Variants in SLC16A12 observed in about 807,000 individuals in gnomAD.
SLC16A12 encodes the protein solute carrier family 16 member 12.
Under a neutral mutation model 42.4 loss-of-function variants are expected in SLC16A12, and 17 were observed. That is an observed-to-expected ratio of 0.40 (90% confidence interval 0.27 to 0.60). The LOEUF is 0.60. Among genes scored for constraint, SLC16A12 ranks in the 20% least tolerant of loss-of-function variants. SLC16A12 has a pLI of 0.42. For missense variants in SLC16A12, 544 were observed against 623.0 expected, an observed-to-expected ratio of 0.87 and a Z score of 1.35; for synonymous variants, 224 against 229.4, an observed-to-expected ratio of 0.98 and a Z score of 0.21.
chr10:89,499,712 C>G (rs942992336), intron 2 of SLC16A12, among the ~76,000 whole-genome samples: 1 of 151,946 alleles, frequency 6.6e-6, no homozygotes, highest in South Asian at 2.1e-4. Flanking sequence ...AGAGCACAAA[C>G]AGACAATCTA....
chr10:89,554,570 G>A (rs575219796), intron 2 of SLC16A12, among the ~76,000 whole-genome samples: 71 of 152,288 alleles, frequency 4.7e-4, no homozygotes, highest in South Asian at 1.2e-3. Flanking sequence ...GGGAGATGGA[G>A]GACAAAGTGT....
At chr10:89,524,895 C>T (rs1273443109) in intron 2 of SLC16A12, among the ~76,000 whole-genome samples, 1 of 152,160 alleles carries the variant, frequency 6.6e-6, no homozygotes, top group Non-Finnish European at 1.5e-5. Context: ...TCAAATGTCC[C>T]TTCTACAGAT....
intron 2 of SLC16A12, among the ~76,000 whole-genome samples, chr10:89,489,401 G>A (rs994288601): frequency 3.3e-5 from 5 of 151,902 alleles, no homozygotes; most frequent in Non-Finnish European, 5.9e-5. Flanking sequence ...GTGCAATGGC[G>A]AGATCTAGGC....
At chr10:89,538,095 G>T (rs970029305), upstream of SLC16A12, among the ~76,000 whole-genome samples, 1 of 152,262 alleles carries the variant, frequency 6.6e-6, no homozygotes, top group African/African-American at 2.4e-5. Context: ...CAGCATGGAA[G>T]TGGAGAAAGG....
chr10:89,441,168 T>C lies in SLC16A12; in HGVS notation c.388A>G (p.Ile130Val), dbSNP rs767338624. The C allele has an allele frequency of 6.2e-7, 1 of 1,613,916 alleles. No homozygotes were observed. The highest frequency in any genetic ancestry group is 1.1e-5 in the South Asian group (1 of 91,072). The stretch of plus-strand genomic sequence containing the variant: ...AGACTCGTGGCAAATGAGCTCAGGA[T>C]GAGTCCAGTAGATGCAAGCAAGCCA... ...LGGLLASTGL[I>V]LSSFATSLKH... Residue 130 changes from isoleucine to valine, a missense_variant, in exon 5 of 8, where the codon ATC (isoleucine) becomes GTC (valine). Ile to Val is a conservative substitution (Grantham distance 29). Coordinates refer to ENST00000371790, the MANE Select transcript of SLC16A12 (RefSeq NM_213606.4).
chr10:89,547,127 C>T (rs1021163693), intron 2 of SLC16A12, among the ~76,000 whole-genome samples: 2 of 152,036 alleles, frequency 1.3e-5, no homozygotes, highest in Admixed American at 6.6e-5. Flanking sequence ...CAAACCTGTA[C>T]GTTCTGCACA....
At chr10:89,506,163 C>T (rs919043251) in intron 2 of SLC16A12, among the ~76,000 whole-genome samples, 1 of 152,314 alleles carries the variant, frequency 6.6e-6, no homozygotes, top group Non-Finnish European at 1.5e-5. Flanking sequence ...CAGACTTAAA[C>T]GTCCCTGCCT....
chr10:89,476,434 T>C (rs892448588), intron 2 of SLC16A12, among the ~76,000 whole-genome samples: 2 of 152,136 alleles, frequency 1.3e-5, no homozygotes, highest in Admixed American at 6.5e-5. Context: ...CTGGTGTTTG[T>C]AGGAGTGCAG....
intron 2 of SLC16A12, among the ~76,000 whole-genome samples, chr10:89,512,097 G>T (rs946792974): frequency 6.6e-6 from 1 of 152,122 alleles, no homozygotes; most frequent in Non-Finnish European, 1.5e-5. Flanking sequence ...GGTCCTTAGG[G>T]TAGTCAAACT....
chr10:89,505,389 C>T (rs1213754847), intron 2 of SLC16A12, among the ~76,000 whole-genome samples: 1 of 151,900 alleles, frequency 6.6e-6, no homozygotes, highest in African/African-American at 2.4e-5. Flanking sequence ...CACTCCTGCA[C>T]TCCAACCTGG....
chr10:89,484,267 C>T (rs1241027591), intron 2 of SLC16A12, among the ~76,000 whole-genome samples: 1 of 152,158 alleles, frequency 6.6e-6, no homozygotes, highest in Non-Finnish European at 1.5e-5. Flanking sequence ...TATTTGGTGA[C>T]AAGACCTAAA....
intron 3 of SLC16A12, among the ~76,000 whole-genome samples, chr10:89,453,282 T>G (rs1417604080): frequency 6.6e-6 from 1 of 152,218 alleles, no homozygotes; most frequent in Non-Finnish European, 1.5e-5. Context: ...AAAAACCTTA[T>G]GATGTTTCTT....
intron 2 of SLC16A12, among the ~76,000 whole-genome samples, chr10:89,545,572 A>G (rs1355950476): frequency 6.6e-6 from 1 of 152,028 alleles, no homozygotes; most frequent in Non-Finnish European, 1.5e-5. Flanking sequence ...GGACCCAAAC[A>G]AATGGAAAAA....
chr10:89,542,601 G>A (rs531482277), intron 2 of SLC16A12, among the ~76,000 whole-genome samples: 1 of 152,204 alleles, frequency 6.6e-6, no homozygotes, highest in Non-Finnish European at 1.5e-5. Context: ...ACAGTGTCTG[G>A]CCTGTTATAT....
intron 3 of SLC16A12, among the ~76,000 whole-genome samples, chr10:89,461,005 C>T (rs989420047): frequency 1.3e-5 from 2 of 152,276 alleles, no homozygotes; most frequent in Non-Finnish European, 2.9e-5. Context: ...GACACTGATG[C>T]CTGTATTGAT....
chr10:89,475,171 G>A (rs1842558508), intron 2 of SLC16A12, among the ~76,000 whole-genome samples: 1 of 152,170 alleles, frequency 6.6e-6, no homozygotes, highest in Non-Finnish European at 1.5e-5. Flanking sequence ...TAACATCCTG[G>A]CCTATGGCTA....
chr10:89,432,177 G>A lies in SLC16A12; in HGVS notation c.*887C>T, dbSNP rs1241177173. On this transcript the variant is annotated 3_prime_UTR_variant, in exon 8 of 8. Transcript: ENST00000371790. The stretch of plus-strand genomic sequence containing the variant: ...CTAAGTAAGAGCTTCTTCTCTGAAG[G>A]TAAAAGACGGGAAGTTTTGGTGTTG... The A allele has an allele frequency of 6.6e-6, 1 of 152,652 alleles. No homozygotes were observed. Among genetic ancestry groups the A allele is most frequent in the Non-Finnish European group, 1.5e-5 (1 of 68,044 alleles). The allele number at this position is 152,652 out of a possible 1,614,324, so 9.5% of individuals were successfully genotyped here.
At chr10:89,448,811 C>CA (rs1346884600) in intron 3 of SLC16A12, among the ~76,000 whole-genome samples, 2 of 152,192 alleles carry the variant, frequency 1.3e-5, no homozygotes, top group Non-Finnish European at 2.9e-5. Flanking sequence ...AAGAGGAAGT[C>CA]AAATTGTCCC....
At chr10:89,479,735 G>A (rs1273271068) in intron 2 of SLC16A12, among the ~76,000 whole-genome samples, 1 of 152,146 alleles carries the variant, frequency 6.6e-6, no homozygotes, top group Non-Finnish European at 1.5e-5. Flanking sequence ...TCAAATAAAT[G>A]TTAGCTATTA....
Sources: allele counts gnomAD v4.1 joint callset (sites outside exome capture counted in the v4.1 genomes callset), GRCh38; gene constraint gnomAD v4.1.1; transcripts MANE v1.5; gene names NCBI Gene and HGNC (gene_info 2026-07-23, HGNC 2026-07-21).